The following MAGI2 variants were observed in gnomAD, a reference collection of about 807,000 sequenced individuals.
MAGI2 encodes membrane-associated guanylate kinase, WW and PDZ domain-containing protein 2.
Under a neutral mutation model 133.3 loss-of-function variants are expected in MAGI2, and 35 were observed. The observed-to-expected ratio is 0.26, with a 90% CI of 0.20 to 0.35. The LOEUF (loss-of-function observed/expected upper bound fraction) is 0.35, where lower values mean the gene tolerates loss of function less well. MAGI2 is among the 10% of genes least tolerant of loss of function. The probability of loss-of-function intolerance (pLI) is 1.00; values close to 1 mark genes in which losing one functional copy is unlikely to be tolerated. For missense variants in MAGI2, 1,636 were observed against 1,863.4 expected, an observed-to-expected ratio of 0.88 and a Z score of 2.25; for synonymous variants, 729 against 710.6, an observed-to-expected ratio of 1.03 and a Z score of -0.41.
intron 1 of MAGI2, among the ~76,000 whole-genome samples, chr7:79,449,252 A>G (rs533291854): frequency 1.3e-5 from 2 of 152,222 alleles, no homozygotes; most frequent in African/African-American, 4.8e-5. Flanking sequence ...CTTTGAAGGT[A>G]TCTTTGAAAG....
chr7:78,939,418 A>G (rs978663104), intron 2 of MAGI2, among the ~76,000 whole-genome samples: 1 of 152,192 alleles, frequency 6.6e-6, no homozygotes, highest in African/African-American at 2.4e-5. Flanking sequence ...ACATTCTAAC[A>G]TAAGGATTAG....
chr7:78,281,968 T>A (rs1236280345), intron 9 of MAGI2, among the ~76,000 whole-genome samples: 1 of 151,988 alleles, frequency 6.6e-6, no homozygotes, highest in Non-Finnish European at 1.5e-5. Flanking sequence ...GAATTTTCAC[T>A]GTGAGTTCTT....
chr7:78,868,855 A>G (rs1251721885), intron 2 of MAGI2, among the ~76,000 whole-genome samples: 3 of 151,846 alleles, frequency 2.0e-5, no homozygotes, highest in South Asian at 4.2e-4. Flanking sequence ...CCGGGTTCAC[A>G]CCATTCTCCT....
chr7:78,564,319 A>G (rs1339279925), intron 3 of MAGI2, among the ~76,000 whole-genome samples: 1 of 152,188 alleles, frequency 6.6e-6, no homozygotes, highest in African/African-American at 2.4e-5. Context: ...CTGAGCGTCA[A>G]CACTTCACAA....
intron 16 of MAGI2, among the ~76,000 whole-genome samples, chr7:78,140,390 C>G (rs540521782): frequency 1.3e-5 from 2 of 152,286 alleles, no homozygotes; most frequent in East Asian, 1.9e-4. Context: ...ATAGATCCCA[C>G]AAAGTGGAGT....
chr7:78,570,385 T>C (rs1022231688), intron 3 of MAGI2, among the ~76,000 whole-genome samples: 1 of 152,064 alleles, frequency 6.6e-6, no homozygotes, highest in African/African-American at 2.4e-5. Context: ...TAAAGTAGCG[T>C]GGGGAACATT....
chr7:78,437,059 G>A (rs1800361890), intron 6 of MAGI2, among the ~76,000 whole-genome samples: 1 of 151,996 alleles, frequency 6.6e-6, no homozygotes, highest in Non-Finnish European at 1.5e-5. Context: ...AGACTGAGGT[G>A]TGGGAGCCTG....
intron 1 of MAGI2, 153 bp downstream of exon 1, chr7:79,452,867 C>A: frequency 2.5e-6 from 2 of 788,060 alleles, no homozygotes; most frequent in Non-Finnish European, 1.9e-6. Context: ...GTCGAATCCC[C>A]GGCGAAACTC....
chr7:78,662,309 T>C (rs1012853338), intron 2 of MAGI2, among the ~76,000 whole-genome samples: 3 of 152,180 alleles, frequency 2.0e-5, no homozygotes, highest in African/African-American at 7.2e-5. Context: ...CTTTTTCCTT[T>C]AAACTAGTAA....
chr7:78,256,309 T>C lies in MAGI2; in HGVS notation c.1681A>G (p.Ile561Val). 2.5e-6 allele frequency: 4 copies of C among 1,614,132 alleles called. No homozygotes were observed. The highest frequency in any genetic ancestry group is 1.1e-5 in the South Asian group (1 of 91,082). ...ISRTSQSVPD[I>V]TDRPPHSLHS... ...AGAGAATGAGGCGGCCGATCTGTTA[T>C]ATCTGGAACTGACTGTGAGGTCCGA... Residue 561 changes from isoleucine (I) to valine (V), a missense_variant, in exon 10 of 22, where the codon ATA (isoleucine) becomes GTA (valine). Around this residue, in one of 5 missense-constraint regions of MAGI2, gnomAD observed 920 missense variants for 1,093.5 expected, o/e 0.84. Transcript: ENST00000354212.
chr7:79,286,623 T>A (rs2129558398), intron 1 of MAGI2, among the ~76,000 whole-genome samples: 1 of 152,154 alleles, frequency 6.6e-6, no homozygotes, highest in Middle Eastern at 3.4e-3. Context: ...TCTTTTGACA[T>A]GCCAGACTAA....
At chr7:78,186,957 A>G (rs143268989) in intron 12 of MAGI2, among the ~76,000 whole-genome samples, 2,932 of 152,270 alleles carry the variant, frequency 0.019, 24 homozygotes, top group African/African-American at 0.028. Flanking sequence ...TGGGCAGAAG[A>G]CACATGTATG....
At chr7:78,646,682 G>T (rs186809031) in intron 2 of MAGI2, among the ~76,000 whole-genome samples, 1 of 152,268 alleles carries the variant, frequency 6.6e-6, no homozygotes, top group Admixed American at 6.5e-5. Flanking sequence ...CCCATATCAT[G>T]TCCAAAGAAA....
intron 1 of MAGI2, among the ~76,000 whole-genome samples, chr7:79,230,231 G>C (rs1283688050): frequency 5.4e-5 from 8 of 149,000 alleles, no homozygotes; most frequent in East Asian, 2.0e-4. Context: ...TTGCTATTGT[G>C]AATAATGCTG....
chr7:78,893,397 T>C (rs1263786072), intron 2 of MAGI2, among the ~76,000 whole-genome samples: 1 of 152,170 alleles, frequency 6.6e-6, no homozygotes, highest in Non-Finnish European at 1.5e-5. Context: ...CCCAAAGGAT[T>C]ATAAATCATG....
chr7:78,143,684 T>C (rs1170937013), intron 16 of MAGI2, among the ~76,000 whole-genome samples: 2 of 152,172 alleles, frequency 1.3e-5, no homozygotes, highest in Non-Finnish European at 2.9e-5. Context: ...AGGTACAGTT[T>C]AAATTGCCCA....
At chr7:78,117,167 T>A (rs1819950755) in intron 20 of MAGI2, among the ~76,000 whole-genome samples, 1 of 151,806 alleles carries the variant, frequency 6.6e-6, no homozygotes, top group Non-Finnish European at 1.5e-5. Context: ...CAAAAAGGAT[T>A]ATTCTATTTC....
At position 79,271,666 on chromosome 7, in the gene MAGI2, AT is replaced by A. The variant is rs71518912; in HGVS notation, c.301+181353del. Among the ~76,000 whole-genome samples, 282 of 141,794 alleles carry A rather than the reference AT, an allele frequency of 2.0e-3. 1 individual carries two copies. Among genetic ancestry groups the A allele is most frequent in the Admixed American group, 5.6e-3 (79 of 14,192 alleles). The allele number at this position is 141,794 out of a possible 152,430, so 93.0% of individuals were successfully genotyped here. A position where few individuals can be genotyped will look rare whatever the true frequency, so the allele number is the denominator to read the frequency against. On this transcript the variant is annotated intron_variant, in intron 1 of 21. Transcript: ENST00000354212. ...CAGGATGCTTGCTATGGTGTGAGTG[AT>A]TTTTTTTTTTTTTTGTGAAGACTGT...
chr7:78,500,358 A>T (rs1376582466), intron 5 of MAGI2, among the ~76,000 whole-genome samples: 2 of 152,144 alleles, frequency 1.3e-5, no homozygotes, highest in Non-Finnish European at 2.9e-5. Flanking sequence ...AACACTAAAA[A>T]CTTCAATTTC....
Sources: allele counts gnomAD v4.1 joint callset (sites outside exome capture counted in the v4.1 genomes callset), GRCh38; gene constraint gnomAD v4.1.1; regional missense constraint gnomAD v4.1.1; transcripts MANE v1.5; gene names NCBI Gene and HGNC (gene_info 2026-07-23, HGNC 2026-07-21).